Variants in ABCA12 observed in about 807,000 individuals in gnomAD.
ABCA12 encodes ATP binding cassette subfamily A member 12.
A neutral mutation model predicts 293.5 loss-of-function variants in ABCA12; 156 were observed. That is an observed-to-expected ratio of 0.53 (90% CI 0.47 to 0.61). ABCA12 has a LOEUF of 0.61. ABCA12 is among the 20% of genes least tolerant of loss of function. The probability of loss-of-function intolerance (pLI) is 0.00; values close to 1 mark genes in which losing one functional copy is unlikely to be tolerated. For synonymous variants in ABCA12, 1,063 were observed against 1,108.0 expected (o/e 0.96, Z 0.81); for missense variants, 2,797 against 3,090.2 (o/e 0.91, Z 2.25).
At chr2:215,083,531 CAA>C (rs1252975526) in intron 2 of ABCA12, among the ~76,000 whole-genome samples, 1 of 152,062 alleles carries the variant, frequency 6.6e-6, no homozygotes, top group East Asian at 1.9e-4. Context: ...CTCTATACAC[CAA>C]ACAAGCAGGA....
intron 8 of ABCA12, among the ~76,000 whole-genome samples, chr2:215,033,731 G>C (rs1356833353): frequency 6.6e-6 from 1 of 152,042 alleles, no homozygotes; most frequent in East Asian, 1.9e-4. Flanking sequence ...CACGAGGTCA[G>C]GAGATCGAGA....
At chr2:215,137,183 C>G (rs912847644) in intron 1 of ABCA12, among the ~76,000 whole-genome samples, 31 of 152,162 alleles carry the variant, frequency 2.0e-4, no homozygotes, top group Non-Finnish European at 4.3e-4. Context: ...TCTACTTCCT[C>G]CTCTTACTAC....
chr2:214,980,861 G>A (rs1051049347), intron 30 of ABCA12, among the ~76,000 whole-genome samples: 1 of 152,184 alleles, frequency 6.6e-6, no homozygotes, highest in African/African-American at 2.4e-5. Flanking sequence ...CACTTTAGGA[G>A]GTTGAGGCGG....
In ABCA12 at chr2:215,082,158, C is replaced by T. The variant is rs976349610; in HGVS notation, c.164-17939G>A. Among the ~76,000 whole-genome samples, 24 of 148,208 alleles carry T rather than the reference C, an allele frequency of 1.6e-4. No individual in the cohort carries two copies. In the East Asian group the frequency reaches 4.8e-3, roughly 30 times the overall value. On this transcript the variant is annotated intron_variant, in intron 2 of 52. Transcript: ENST00000272895. ...CTCCTGGGTTCACGCCATTCTCCTGCCTCAGCCTCCGGAGTAGCTGGGATT... is the reference window on the plus strand; with the variant it reads ...CTCCTGGGTTCACGCCATTCTCCTGTCTCAGCCTCCGGAGTAGCTGGGATT...
intron 2 of ABCA12, among the ~76,000 whole-genome samples, chr2:215,102,569 A>G (rs1441414175): frequency 6.6e-6 from 1 of 152,232 alleles, no homozygotes; most frequent in Non-Finnish European, 1.5e-5. Flanking sequence ...ACTGCATTCC[A>G]GTCTGGGCGA....
At chr2:214,959,805 TC>T (rs1378625281) in intron 39 of ABCA12, among the ~76,000 whole-genome samples, 2 of 152,150 alleles carry the variant, frequency 1.3e-5, no homozygotes, top group Admixed American at 6.6e-5. Flanking sequence ...GCTCTTTTCT[TC>T]CCTTCCTTAG....
At chr2:214,956,537 G>A in intron 42 of ABCA12, 126 bp downstream of exon 42, 1 of 689,004 alleles carries the variant, frequency 1.5e-6, no homozygotes, top group Non-Finnish European at 2.6e-6. Flanking sequence ...TGTGTTGTTA[G>A]TCATCACTCA....
At chr2:215,032,041 C>A in intron 8 of ABCA12, 145 bp from the exon 9 acceptor site, 1 of 1,512,226 alleles carries the variant, frequency 6.6e-7, no homozygotes, top group South Asian at 1.2e-5. Context: ...GTATAAAAGA[C>A]ATCTATGCTC....
chr2:215,028,295 T>A (rs1432740082), intron 9 of ABCA12, among the ~76,000 whole-genome samples: 1 of 152,212 alleles, frequency 6.6e-6, no homozygotes, highest in Non-Finnish European at 1.5e-5. Context: ...CAACACTGGA[T>A]CCTTGAGGAA....
At chr2:215,119,734 T>TAAAAAAAAAAA (rs386654995) in intron 1 of ABCA12, among the ~76,000 whole-genome samples, 7 of 75,566 alleles carry the variant, frequency 9.3e-5, no homozygotes, top group African/African-American at 2.3e-4. Flanking sequence ...CATTAAAAAG[T>TAAAAAAAAAAA]AAAAAAAAAA....
At chr2:215,078,640 C>G (rs773597054) in intron 2 of ABCA12, among the ~76,000 whole-genome samples, 9 of 152,148 alleles carry the variant, frequency 5.9e-5, no homozygotes, top group Non-Finnish European at 1.2e-4. Context: ...TCAATCCAAA[C>G]ATGGCTATTG....
intron 1 of ABCA12, among the ~76,000 whole-genome samples, chr2:215,125,184 C>T (rs1396596379): frequency 2.0e-5 from 3 of 152,104 alleles, no homozygotes; most frequent in Non-Finnish European, 4.4e-5. Context: ...ATACCACTAC[C>T]ATGCTGTTTT....
intron 2 of ABCA12, among the ~76,000 whole-genome samples, chr2:215,087,644 G>T (rs11893734): frequency 0.043 from 6,610 of 152,106 alleles, 458 homozygotes; most frequent in African/African-American, 0.15. Context: ...GATATTAAAG[G>T]ATGAAATTTG....
At chr2:214,978,252 CTG>C (rs1238148509) in intron 33 of ABCA12, 62 bp downstream of exon 33, 14 of 1,586,892 alleles carry the variant, frequency 8.8e-6, no homozygotes, top group Non-Finnish European at 1.2e-5. Context: ...CAAAGTCTGT[CTG>C]TGATTTTTCT....
At chr2:215,055,183 T>A (rs1466003785) in intron 3 of ABCA12, among the ~76,000 whole-genome samples, 1 of 152,094 alleles carries the variant, frequency 6.6e-6, no homozygotes, top group East Asian at 1.9e-4. Flanking sequence ...CCAGGAATTG[T>A]GGTTGATGTC....
chr2:215,010,020 T>C (rs896809310), intron 18 of ABCA12, among the ~76,000 whole-genome samples: 7 of 152,324 alleles, frequency 4.6e-5, no homozygotes, highest in Admixed American at 1.3e-4. Context: ...CTTTGAAAGT[T>C]AGACACCAGT....
At chr2:215,102,644 G>A (rs1702383377) in intron 2 of ABCA12, among the ~76,000 whole-genome samples, 1 of 152,142 alleles carries the variant, frequency 6.6e-6, no homozygotes, top group South Asian at 2.1e-4. Flanking sequence ...GGACCAAACA[G>A]CCTTATCTTT....
chr2:215,061,957 T>C (rs1323586482), intron 3 of ABCA12, among the ~76,000 whole-genome samples: 2 of 152,056 alleles, frequency 1.3e-5, no homozygotes, highest in Non-Finnish European at 2.9e-5. Context: ...TTATGTCCCT[T>C]ATAGTTCTTT....
rs111266607 is a variant in ABCA12 at position 214,933,626 on chromosome 2, G to A, written c.7680+452C>T. On this transcript the variant is annotated intron_variant, in intron 52 of 52. Coordinates refer to ENST00000272895, the MANE Select transcript of ABCA12 (RefSeq NM_173076.3). The stretch of plus-strand genomic sequence containing the variant: ...TTAAGACAGATGATGTACGTTGAAC[G>A]GAAAGGATTCTGCATTTACCACTTT... 2.1e-3 allele frequency among the ~76,000 whole-genome samples: 314 copies of A among 152,254 alleles called. 5 individuals carry two copies. The highest frequency in any genetic ancestry group is 7.3e-3 in the African/African-American group (303 of 41,534).
Sources: allele counts gnomAD v4.1 joint callset (sites outside exome capture counted in the v4.1 genomes callset), GRCh38; gene constraint gnomAD v4.1.1; transcripts MANE v1.5; gene names NCBI Gene and HGNC (gene_info 2026-07-23, HGNC 2026-07-21).